The following RGS3 variants were observed in gnomAD, a reference collection of about 807,000 sequenced individuals.
The protein encoded by RGS3 is regulator of G-protein signalling 3.
In RGS3, 80 loss-of-function variants were observed where a neutral mutation model predicts 132.6. The observed-to-expected ratio is 0.60, with a 90% confidence interval of 0.50 to 0.73. RGS3 has a LOEUF of 0.73. RGS3 is among the 30% of genes least tolerant of loss of function. The probability of loss-of-function intolerance (pLI) is 0.00; values close to 1 mark genes in which losing one functional copy is unlikely to be tolerated. For synonymous variants in RGS3, 598 were observed against 620.6 expected (o/e 0.96, Z 0.54); for missense variants, 1,382 against 1,530.8 (o/e 0.90, Z 1.62).
chr9:113,568,008 A>G (rs1588263685), intron 19 of RGS3, among the ~76,000 whole-genome samples: 2 of 152,370 alleles, frequency 1.3e-5, no homozygotes, highest in East Asian at 1.9e-4. Flanking sequence ...TTTGCCTTCT[A>G]TTAGGTTGGT....
chr9:113,553,459 A>AAAAAAAAATAT lies in RGS3; in HGVS notation c.2037+16542_2037+16543insAAAAAAATATA, dbSNP rs1426114805. Among the ~76,000 whole-genome samples, 47 of 58,686 alleles carry AAAAAAAAATAT rather than the reference A, an allele frequency of 8.0e-4. 1 individual carries two copies. The highest frequency in any genetic ancestry group is 9.4e-4 in the Non-Finnish European group (31 of 33,060). 38.5% of individuals were successfully genotyped at this position (58,686 alleles called of 152,430 possible). Reference sequence around the variant, plus strand: ...CTCTGTTTAAAAAAAAAAAAAAAAAAATATATATATATATATATATATATA... The same window carrying AAAAAAAAATAT: ...CTCTGTTTAAAAAAAAAAAAAAAAAAAAAAAAAATATATATATATATATATATATATATATA... On this transcript the variant is annotated intron_variant, in intron 19 of 24. Coordinates refer to ENST00000350696, the Ensembl canonical transcript of RGS3.
Position 113,532,275 on chromosome 9 carries a change from G to A in RGS3, c.1914+3011G>A, listed in dbSNP as rs1832500947. Among the ~76,000 whole-genome samples the A allele has an allele frequency of 2.0e-5, 3 of 152,194 alleles. No homozygotes were observed. The South Asian group carries it at 6.2e-4, about 32-fold the overall frequency. ...AAGAGATGGTTTACCTGTGAGGGAA[G>A]CCAGGAAGGTAATGAGTGTCCCCAA... is the stretch of plus-strand genomic sequence containing the variant. On this transcript the variant is annotated intron_variant, in intron 18 of 24. Coordinates refer to ENST00000350696, the Ensembl canonical transcript of RGS3.
intron 18 of RGS3, among the ~76,000 whole-genome samples, chr9:113,536,112 T>C (rs1832665861): frequency 6.6e-6 from 1 of 152,194 alleles, no homozygotes; most frequent in African/African-American, 2.4e-5. Flanking sequence ...GAGACTGTAG[T>C]ACTTAACAAG....
At chr9:113,571,136 G>A (rs1834273845) in intron 19 of RGS3, among the ~76,000 whole-genome samples, 1 of 152,330 alleles carries the variant, frequency 6.6e-6, no homozygotes, top group East Asian at 1.9e-4. Flanking sequence ...TACCGCCACA[G>A]TTTATCTAAT....
intron 19 of RGS3, among the ~76,000 whole-genome samples, chr9:113,553,662 C>T (rs922766060): frequency 7.1e-4 from 108 of 151,082 alleles, no homozygotes; most frequent in African/African-American, 2.5e-3. Context: ...GCCAACATGG[C>T]GAAAGCCCAT....
intron 7 of RGS3, 124 bp from the exon 6 acceptor site, chr9:113,495,662 A>G (rs141349819): frequency 8.9e-6 from 7 of 782,274 alleles, no homozygotes; most frequent in Admixed American, 3.6e-5. Flanking sequence ...ATCAAACGAG[A>G]TGATGTGGGT....
intron 1 of RGS3, among the ~76,000 whole-genome samples, chr9:113,448,373 A>C (rs1437630497): frequency 1.3e-5 from 2 of 152,114 alleles, no homozygotes; most frequent in Non-Finnish European, 2.9e-5. Context: ...GCTCTAGCCA[A>C]GACTTTTTTC....
At chr9:113,585,965 T>A (rs962352888) in intron 20 of RGS3, among the ~76,000 whole-genome samples, 2 of 152,236 alleles carry the variant, frequency 1.3e-5, no homozygotes, top group African/African-American at 4.8e-5. Flanking sequence ...TGTGTGGTTC[T>A]CACACTGTGG....
At chr9:113,577,583 G>A (rs906529474) in intron 19 of RGS3, among the ~76,000 whole-genome samples, 4 of 152,142 alleles carry the variant, frequency 2.6e-5, no homozygotes, top group African/African-American at 9.7e-5. Context: ...AGAGTTGGGG[G>A]TACTGATGGG....
intron 19 of RGS3, chr9:113,564,973 A>T: frequency 9.8e-7 from 1 of 1,021,242 alleles, no homozygotes; most frequent in East Asian, 1.0e-4. Flanking sequence ...AGCGGCTGCC[A>T]GCAGGCCGGC....
intron 19 of RGS3, among the ~76,000 whole-genome samples, chr9:113,540,950 C>G (rs984963323): frequency 4.6e-5 from 7 of 152,230 alleles, no homozygotes; most frequent in African/African-American, 1.7e-4. Context: ...CGCTATCGTT[C>G]TCACTGTCAT....
At chr9:113,541,423 G>T in intron 19 of RGS3, 2 of 1,613,476 alleles carry the variant, frequency 1.2e-6, no homozygotes, top group Non-Finnish European at 1.7e-6. Context: ...ACTCTGATTG[G>T]CTGAGCAAAC....
intron 19 of RGS3, 82 bp from the exon 18 acceptor site, chr9:113,583,368 A>C: frequency 1.3e-6 from 2 of 1,529,026 alleles, no homozygotes; most frequent in Non-Finnish European, 1.8e-6. Context: ...CCACTGCCTG[A>C]TTTCATGTCA....
intron 18 of RGS3, among the ~76,000 whole-genome samples, chr9:113,535,393 G>A (rs760213137): frequency 2.6e-5 from 4 of 152,086 alleles, no homozygotes; most frequent in African/African-American, 7.2e-5. Context: ...GGCTGTTCTC[G>A]AACACCTGAC....
upstream of RGS3, among the ~76,000 whole-genome samples, chr9:113,456,256 A>G (rs1278954184): frequency 1.3e-5 from 2 of 152,052 alleles, no homozygotes; most frequent in African/African-American, 4.8e-5. Context: ...GGGAATTCCT[A>G]AATCTATATT....
chr9:113,553,461 T>TAAA (rs1448560862), intron 19 of RGS3, among the ~76,000 whole-genome samples: 1 of 35,604 alleles, frequency 2.8e-5, no homozygotes, highest in Non-Finnish European at 4.5e-5. Flanking sequence ...AAAAAAAAAA[T>TAAA]ATATATATAT....
exon 6 of RGS3, chr9:113,484,188 C>T (rs1003793699): frequency 9.3e-6 from 15 of 1,612,914 alleles, no homozygotes; most frequent in African/African-American, 1.3e-5. Flanking sequence ...AGACGCAGAC[C>T]GTTCCAGACT....
At position 113,506,551 on chromosome 9, in the gene RGS3, C is replaced by A; in HGVS notation, c.1085+58C>A. ...AGGCTGATGGCACACCCTCCCCACC[C>A]CTGGGCACACTGCCTTGCCTGGCCC... On this transcript the variant is annotated intron_variant, in intron 12 of 24. Coordinates refer to ENST00000350696, the Ensembl canonical transcript of RGS3. This position sits in a 1 kb window ranked among gnomAD's most constrained non-coding sequence, Gnocchi z 4.7. 1 of 1,148,318 alleles carries A rather than the reference C, an allele frequency of 8.7e-7. No individual in the cohort carries two copies. The highest frequency in any genetic ancestry group is 1.3e-6 in the Non-Finnish European group (1 of 780,674). The allele number at this position is 1,148,318 out of a possible 1,614,324, so 71.1% of individuals were successfully genotyped here. A position where few individuals can be genotyped will look rare whatever the true frequency, so the allele number is the denominator to read the frequency against.
chr9:113,556,337 A>C lies in RGS3; in HGVS notation c.2037+19419A>C, dbSNP rs917564888. Among the ~76,000 whole-genome samples the C allele has an allele frequency of 2.6e-5, 4 of 152,028 alleles. No homozygotes were observed. In the East Asian group the frequency reaches 7.7e-4, roughly 29 times the overall value. On this transcript the variant is annotated intron_variant, in intron 19 of 24. Coordinates refer to ENST00000350696, the Ensembl canonical transcript of RGS3. Reference sequence around the variant, plus strand: ...CTTTCGTTCAGGGAAATTTTCTATTAATTTAGGAATGGTTTCTATTCTGTG... The same window carrying C: ...CTTTCGTTCAGGGAAATTTTCTATTCATTTAGGAATGGTTTCTATTCTGTG...
Sources: allele counts gnomAD v4.1 joint callset (sites outside exome capture counted in the v4.1 genomes callset), GRCh38; gene constraint gnomAD v4.1.1; non-coding constraint Gnocchi (gnomAD v3.1); transcripts MANE v1.5; gene names NCBI Gene and HGNC (gene_info 2026-07-23, HGNC 2026-07-21).